ZNF254: variants seen among roughly 807,000 people sequenced by gnomAD.
ZNF254 encodes CTD-2017D11.1.
Under a neutral mutation model 12.4 loss-of-function variants are expected in ZNF254, and 10 were observed. That is an observed-to-expected ratio of 0.80 (90% CI 0.50 to 1.36). The LOEUF is 1.36. Among genes scored for constraint, ZNF254 ranks in the 40% most tolerant of loss-of-function variants. The probability of loss-of-function intolerance (pLI) is 0.00; values close to 1 mark genes in which losing one functional copy is unlikely to be tolerated. For synonymous variants in ZNF254, 305 were observed against 253.4 expected, an observed-to-expected ratio of 1.20 and a Z score of -1.93; for missense variants, 996 against 763.9, an observed-to-expected ratio of 1.30 and a Z score of -3.58.
intron 2 of ZNF254, chr19:24,049,436 C>T (rs1970563748): frequency 6.6e-6 from 1 of 151,694 alleles, no homozygotes; most frequent in Admixed American, 6.6e-5. Context: ...CTGAACATTT[C>T]TGATGGTGTG....
chr19:24,090,492 A>T (rs2145666267), intron 1 of ZNF254, among the ~76,000 whole-genome samples: 1 of 152,300 alleles, frequency 6.6e-6, no homozygotes, highest in South Asian at 2.1e-4. Context: ...GCTGGAGCGC[A>T]GTGGTACCAT....
intron 2 of ZNF254, among the ~76,000 whole-genome samples, chr19:24,052,598 G>T (rs1970690281): frequency 6.6e-6 from 1 of 152,126 alleles, no homozygotes; most frequent in South Asian, 2.1e-4. Flanking sequence ...ATGTCACTGG[G>T]CCTAGCATCC....
chr19:24,124,688 T>C (rs1340624524), intron 3 of ZNF254, among the ~76,000 whole-genome samples: 2 of 152,162 alleles, frequency 1.3e-5, no homozygotes, highest in African/African-American at 4.8e-5. Context: ...ACAGTTCCCT[T>C]ATGGCCTGCA....
Position 24,126,048 on chromosome 19 carries a change from C to G in ZNF254, c.254-206C>G, listed in dbSNP as rs77581180. ...GTGCTCACCTGGGACACTGCACACA[C>G]TTAAATCATTTATGAATTTTCCACA... On this transcript the variant is annotated intron_variant, in intron 3 of 3. Transcript: ENST00000357002. Among the ~76,000 whole-genome samples, 120 of 152,260 alleles carry G rather than the reference C, an allele frequency of 7.9e-4. 4 individuals carry two copies. The East Asian group carries it at 0.023, about 29-fold the overall frequency.
chr19:24,054,321 C>G (rs189249849), intron 2 of ZNF254, among the ~76,000 whole-genome samples: 37 of 152,266 alleles, frequency 2.4e-4, no homozygotes, highest in African/African-American at 7.5e-4. Flanking sequence ...AACTCCCTAC[C>G]TACAGGTTAA....
intron 2 of ZNF254, among the ~76,000 whole-genome samples, chr19:24,053,402 C>T (rs1970720620): frequency 6.6e-6 from 1 of 152,182 alleles, no homozygotes; most frequent in Non-Finnish European, 1.5e-5. Flanking sequence ...TTGTGACATA[C>T]ACCTTTTTTA....
intron 2 of ZNF254, among the ~76,000 whole-genome samples, chr19:24,063,268 T>A (rs532918300): frequency 1.3e-5 from 2 of 152,352 alleles, no homozygotes; most frequent in African/African-American, 4.8e-5. Context: ...TTTCTACAAG[T>A]GTCATGTGAC....
chr19:24,101,518 G>C (rs1288658174), intron 1 of ZNF254, among the ~76,000 whole-genome samples: 1 of 152,200 alleles, frequency 6.6e-6, no homozygotes, highest in Non-Finnish European at 1.5e-5. Context: ...GTGTAAAGAA[G>C]CATCTTAGGA....
At chr19:24,076,363 T>C (rs1971659689) in intron 2 of ZNF254, among the ~76,000 whole-genome samples, 1 of 152,210 alleles carries the variant, frequency 6.6e-6, no homozygotes, top group African/African-American at 2.4e-5. Flanking sequence ...GTCCCTCCGT[T>C]TGGGGTCCCT....
At chr19:24,097,187 C>A (rs531662149) in intron 1 of ZNF254, among the ~76,000 whole-genome samples, 1 of 152,020 alleles carries the variant, frequency 6.6e-6, no homozygotes, top group East Asian at 1.9e-4. Flanking sequence ...TCTTTTTTTG[C>A]TTTGGCAAGA....
chr19:24,065,856 A>G (rs1171114087), intron 2 of ZNF254: 1 of 152,184 alleles, frequency 6.6e-6, no homozygotes, highest in East Asian at 1.9e-4. Context: ...CACCTGGGTG[A>G]TGGATGTAAC....
chr19:24,081,190 A>G (rs1363325819), intron 2 of ZNF254, among the ~76,000 whole-genome samples: 2 of 152,146 alleles, frequency 1.3e-5, no homozygotes, highest in Non-Finnish European at 2.9e-5. Context: ...TAGATTGACA[A>G]GCCCATAGAT....
At position 24,127,459 on chromosome 19, in the gene ZNF254, G is replaced by A. The variant is rs1284700931; in HGVS notation, c.1459G>A (p.Glu487Lys). The change falls in exon 4 of 4, where the codon GAG (glutamate) becomes AAG (lysine). Residue 487 changes from glutamate to lysine, a missense_variant. Transcript: ENST00000357002. Reference protein sequence around the residue: ...LTRHKRMHTGEKPYKCEECGK... With the variant: ...LTRHKRMHTGKKPYKCEECGK... ...TAGACATAAGAGGATGCACACTGGA[G>A]AGAAACCCTACAAATGTGAAGAATG... The A allele has an allele frequency of 6.2e-7, 1 of 1,613,372 alleles. No individual in the cohort carries two copies. The highest frequency in any genetic ancestry group is 8.5e-7 in the Non-Finnish European group (1 of 1,179,764).
At chr19:24,046,373 T>TTATATATATATATATATATATATATA (rs34508258) in intron 2 of ZNF254, 19 of 95,466 alleles carry the variant, frequency 2.0e-4, no homozygotes, top group Admixed American at 3.2e-4. Flanking sequence ...TTATTATTTT[T>TTATATATATATATATATATATATATA]TATATATATA....
At chr19:24,091,106 A>G (rs2145673450) in intron 1 of ZNF254, among the ~76,000 whole-genome samples, 1 of 151,332 alleles carries the variant, frequency 6.6e-6, no homozygotes, top group South Asian at 2.1e-4. Context: ...ACACCACCAC[A>G]CCTAGCTAAT....
At chr19:24,088,676 G>C (rs917326296) in intron 1 of ZNF254, among the ~76,000 whole-genome samples, 12 of 151,824 alleles carry the variant, frequency 7.9e-5, no homozygotes, top group African/African-American at 2.4e-4. Context: ...TGAGACAGAG[G>C]CTTGCTCGGT....
chr19:24,081,321 A>G (rs899629223), intron 2 of ZNF254, among the ~76,000 whole-genome samples: 1 of 152,132 alleles, frequency 6.6e-6, no homozygotes, highest in Non-Finnish European at 1.5e-5. Flanking sequence ...GATAAAGCCA[A>G]TAAACTGGCT....
chr19:24,069,221 G>T (rs1052791558), intron 2 of ZNF254, among the ~76,000 whole-genome samples: 5 of 150,634 alleles, frequency 3.3e-5, no homozygotes, highest in Non-Finnish European at 7.4e-5. Flanking sequence ...GGCCAGGCTG[G>T]TCTTGAACTC....
chr19:24,107,327 A>G (rs972390501), intron 3 of ZNF254: 2 of 479,170 alleles, frequency 4.2e-6, no homozygotes, highest in African/African-American at 2.0e-5. Flanking sequence ...TATTCTTTCA[A>G]TAGAAATAAA....
Sources: gnomAD v4.1 joint callset for allele counts (sites outside exome capture counted in the v4.1 genomes callset) on GRCh38, gnomAD v4.1.1 for gene constraint, MANE v1.5 for transcripts, NCBI Gene and HGNC (gene_info 2026-07-23, HGNC 2026-07-21) for gene names.